The following LRRK1 variants were observed in gnomAD, a reference collection of about 807,000 sequenced individuals.
LRRK1 encodes leucine rich repeat kinase 1, also known as leucine-rich repeat serine/threonine-protein kinase 1.
A neutral mutation model predicts 209.1 loss-of-function variants in LRRK1; 113 were observed. That is an observed-to-expected ratio of 0.54 (90% CI 0.46 to 0.63). LRRK1 has a LOEUF of 0.63. Among genes scored for constraint, LRRK1 ranks in the 30% least tolerant of loss-of-function variants. The pLI, the probability that LRRK1 is intolerant of heterozygous loss-of-function variation, is 0.00. For synonymous variants in LRRK1, 1,144 were observed against 1,099.7 expected (o/e 1.04, Z -0.80); for missense variants, 2,284 against 2,632.2 (o/e 0.87, Z 2.89).
In LRRK1 at chr15:101,024,105, T is replaced by G. The variant is rs2033914240; in HGVS notation, c.2068-698T>G. Among the ~76,000 whole-genome samples the G allele has an allele frequency of 6.6e-6, 1 of 152,134 alleles. No individual in the cohort carries two copies. The highest frequency in any genetic ancestry group is 1.5e-5 in the Non-Finnish European group (1 of 68,016). On this transcript the variant is annotated intron_variant, in intron 15 of 33. Transcript: ENST00000388948. The surrounding 1 kb of genome is among the most constrained non-coding windows in gnomAD (Gnocchi z 4.6). Reference sequence around the variant, plus strand: ...AGTGGAAGGACAATCCTGTGAAGGCTGAGCCCGCCGCTCTCTCTGTGGCCG... The same window carrying G: ...AGTGGAAGGACAATCCTGTGAAGGCGGAGCCCGCCGCTCTCTCTGTGGCCG...
rs879779041 is a variant in LRRK1 at position 100,968,707 on chromosome 15, CTTCCTTCCTTCCTCCCT to C, written c.98-5095_98-5079del. Among the ~76,000 whole-genome samples the C allele has an allele frequency of 3.0e-3, 197 of 64,898 alleles. 4 individuals are homozygous for C. Among genetic ancestry groups the C allele is most frequent in the Middle Eastern group, 8.6e-3 (1 of 116 alleles). The allele number at this position is 64,898 out of a possible 152,430, so 42.6% of individuals were successfully genotyped here. A position where few individuals can be genotyped will look rare whatever the true frequency, so the allele number is the denominator to read the frequency against. On this transcript the variant is annotated intron_variant, in intron 2 of 33. Transcript: ENST00000388948. ...CTTTCTTTCTTTCCTTCCTTCCTTC[CTTCCTTCCTTCCTCCCT>C]TCCCTTCCCTTCCCTTTTCCTTTCT...
rs184197013 is a variant in LRRK1, at chr15:100,985,017, A to G, written c.433+1318A>G. On this transcript the variant is annotated intron_variant, in intron 4 of 33. Coordinates refer to ENST00000388948, the MANE Select transcript of LRRK1 (RefSeq NM_024652.6). ...AATGTTTCATGATTTTTAAACAAGAAGCCCCATTCTTTTCATTTTGCATTG... is the reference window on the plus strand; with the variant it reads ...AATGTTTCATGATTTTTAAACAAGAGGCCCCATTCTTTTCATTTTGCATTG... Among the ~76,000 whole-genome samples, 1,200 of 152,330 alleles carry G rather than the reference A, an allele frequency of 7.9e-3. 17 individuals are homozygous for G. Among genetic ancestry groups the G allele is most frequent in the African/African-American group, 0.028 (1,154 of 41,566 alleles).
Position 101,046,074 on chromosome 15 carries a change from G to A in LRRK1, c.3057G>A (p.Lys1019=). The A allele has an allele frequency of 6.2e-7, 1 of 1,614,246 alleles. No individual in the cohort carries two copies. The part of the protein sequence containing the change: ...PTANTIQRVF[K]MSFVPVGFWQ... ...CCAACACCATTCAGAGGGTATTTAA[G>A]ATGAGCTTCGTTCCCGTTGGCTTCT... Residue 1019 remains lysine (K), a synonymous_variant, in exon 21 of 34, where the codon AAG becomes AAA. Transcript: ENST00000388948.
chr15:100,974,081 T>G lies in LRRK1; in HGVS notation c.261+114T>G, dbSNP rs1186604773. Reference sequence around the variant, plus strand: ...ACGGTAATGGGCGTTTTTACTGTGTTCTGGAAACGCCTCGCTTTGCGTATA... The same window carrying G: ...ACGGTAATGGGCGTTTTTACTGTGTGCTGGAAACGCCTCGCTTTGCGTATA... On this transcript the variant is annotated intron_variant, in intron 3 of 33. Transcript: ENST00000388948. 5 of 897,996 alleles carry G rather than the reference T, an allele frequency of 5.6e-6. No homozygotes were observed. The African/African-American group carries it at 8.6e-5, about 15-fold the overall frequency. 55.6% of individuals were successfully genotyped at this position (897,996 alleles called of 1,614,324 possible).
At chr15:100,965,831 A>G (rs1478208691) in intron 2 of LRRK1, among the ~76,000 whole-genome samples, 1 of 152,220 alleles carries the variant, frequency 6.6e-6, no homozygotes, top group Non-Finnish European at 1.5e-5. Flanking sequence ...TTTCATCACC[A>G]TATATGAAAA....
chr15:101,054,577 C>T (rs951412253), intron 26 of LRRK1, among the ~76,000 whole-genome samples: 5 of 152,164 alleles, frequency 3.3e-5, no homozygotes, highest in African/African-American at 4.8e-5. Context: ...GAGGCCCAGG[C>T]GGGCAGGTCG....
In LRRK1 at chr15:100,940,085, C is replaced by T. The variant is rs184853496; in HGVS notation, c.97+15356C>T. ...TTGTCCATATCCTGCCCCGGATGCA[C>T]GATGCACTGTTTCTCCAAGAATCCC... is the stretch of plus-strand genomic sequence containing the variant. On this transcript the variant is annotated intron_variant, in intron 2 of 33. Transcript: ENST00000388948. Among the ~76,000 whole-genome samples, 212 of 152,292 alleles carry T rather than the reference C, an allele frequency of 1.4e-3. 1 individual carries two copies. Among genetic ancestry groups the T allele is most frequent in the Middle Eastern group, 0.01 (3 of 294 alleles).
rs75408271 is a variant in LRRK1, at chr15:100,932,970, G to A, written c.97+8241G>A. Among the ~76,000 whole-genome samples the A allele has an allele frequency of 4.5e-3, 691 of 152,282 alleles. 2 individuals carry two copies. Among genetic ancestry groups the A allele is most frequent in the African/African-American group, 0.016 (659 of 41,552 alleles). ...ACCCAGTGTTCTGTGGAGCCCTGGA[G>A]ATGAGAATCACCCCCTTCCCTGCTA... On this transcript the variant is annotated intron_variant, in intron 2 of 33. Coordinates refer to ENST00000388948, the MANE Select transcript of LRRK1 (RefSeq NM_024652.6).
chr15:101,010,820 C>A lies in LRRK1; in HGVS notation c.1264C>A (p.Pro422Thr). Residue 422 changes from proline (P) to threonine (T), a missense_variant, in exon 9 of 34, where the codon CCC (proline) becomes ACC (threonine). By Grantham distance (38) the Pro-to-Thr change is conservative. This residue lies in a region of LRRK1 where 494 missense variants were observed against 522.1 expected (regional missense o/e 0.95). Transcript: ENST00000388948. ...SRNNLKVFPD[P>T]WACPLKCCKA... Reference sequence around the variant, plus strand: ...AAACAACCTGAAGGTGTTTCCAGATCCCTGGGCCTGCCCTTTGGTGAGTAT... The same window carrying A: ...AAACAACCTGAAGGTGTTTCCAGATACCTGGGCCTGCCCTTTGGTGAGTAT... The A allele has an allele frequency of 6.2e-7, 1 of 1,612,830 alleles. No individual in the cohort carries two copies. Among genetic ancestry groups the A allele is most frequent in the Non-Finnish European group, 8.5e-7 (1 of 1,179,692 alleles).
chr15:101,048,336 G>A (rs976567717), intron 21 of LRRK1, among the ~76,000 whole-genome samples, 158 bp from the exon 22 acceptor site: 5 of 152,182 alleles, frequency 3.3e-5, no homozygotes, highest in South Asian at 2.1e-4. Flanking sequence ...CTAATGTAAC[G>A]TTCAATTTGG....
chr15:101,040,128 A>G (rs2034677546), intron 20 of LRRK1, among the ~76,000 whole-genome samples: 1 of 152,264 alleles, frequency 6.6e-6, no homozygotes, highest in Admixed American at 6.5e-5. Context: ...AAGATTTTGT[A>G]TAAGATTGGT....
intron 29 of LRRK1, among the ~76,000 whole-genome samples, chr15:101,060,245 C>T (rs756593199): frequency 2.6e-5 from 4 of 152,140 alleles, no homozygotes; most frequent in South Asian, 4.1e-4. Context: ...GCAGGGCAGA[C>T]GAGCAGGTAA....
chr15:100,949,588 C>T (rs891143771), intron 2 of LRRK1, among the ~76,000 whole-genome samples: 1 of 152,068 alleles, frequency 6.6e-6, no homozygotes, highest in Non-Finnish European at 1.5e-5. Context: ...AACTACAGAC[C>T]ACTACCTCTT....
intron 2 of LRRK1, among the ~76,000 whole-genome samples, chr15:100,967,372 G>A (rs1452272196): frequency 6.6e-6 from 1 of 152,188 alleles, no homozygotes; most frequent in East Asian, 1.9e-4. Flanking sequence ...TCTCAGGAAT[G>A]ATACAGATTG....
chr15:101,052,972 T>C lies in LRRK1; in HGVS notation c.3740T>C (p.Val1247Ala), dbSNP rs2035558359. 6.2e-7 allele frequency: 1 copy of C among 1,612,666 alleles called. No homozygotes were observed. The highest frequency in any genetic ancestry group is 8.5e-7 in the Non-Finnish European group (1 of 1,179,356). ...KLEHSEDEGS[V>A]LGQGGSGTVI... ...GAGCACAGCGAGGACGAGGGCAGCG[T>C]CCTGGGCCAGGGCGGCAGTGGCACC... is the stretch of plus-strand genomic sequence containing the variant. Residue 1247 changes from valine to alanine, a missense_variant, in exon 25 of 34, where the codon GTC becomes GCC. By Grantham distance (64) the Val-to-Ala change is moderately conservative. This residue lies in a region of LRRK1 where 780 missense variants were observed against 985.2 expected (regional missense o/e 0.79). Transcript: ENST00000388948.
intron 3 of LRRK1, among the ~76,000 whole-genome samples, chr15:100,979,631 G>A (rs1359092414): frequency 1.3e-5 from 2 of 152,092 alleles, no homozygotes; most frequent in African/African-American, 4.8e-5. Context: ...CTAAGACAGT[G>A]ATTCTAAAAA....
At position 101,012,434 on chromosome 15, in the gene LRRK1, G is replaced by A. The variant is rs143585482; in HGVS notation, c.1419+289G>A. On this transcript the variant is annotated intron_variant, in intron 10 of 33. Coordinates refer to ENST00000388948, the MANE Select transcript of LRRK1 (RefSeq NM_024652.6). ...ATATGAGGCTGAGTGGACACTGAGA[G>A]CTCCAGGAAGGGCCTTTCCACGGAA... Among the ~76,000 whole-genome samples, 315 of 152,340 alleles carry A rather than the reference G, an allele frequency of 2.1e-3. 3 individuals are homozygous for A. Among genetic ancestry groups the A allele is most frequent in the Admixed American group, 3.6e-3 (55 of 15,304 alleles).
chr15:100,946,342 G>T (rs984284291), intron 2 of LRRK1, among the ~76,000 whole-genome samples: 10 of 151,722 alleles, frequency 6.6e-5, no homozygotes, highest in Non-Finnish European at 1.5e-4. Flanking sequence ...TAGTTGCAGC[G>T]TATGCTAAAA....
At chr15:101,060,983 C>T (rs1232969294) in intron 29 of LRRK1, among the ~76,000 whole-genome samples, 188 bp from the exon 30 acceptor site, 1 of 152,254 alleles carries the variant, frequency 6.6e-6, no homozygotes, top group African/African-American at 2.4e-5. Context: ...GGCGAATGCC[C>T]TTCCTGCGGG....
Sources: allele counts gnomAD v4.1 joint callset (sites outside exome capture counted in the v4.1 genomes callset), GRCh38; gene constraint gnomAD v4.1.1; regional missense constraint gnomAD v4.1.1; non-coding constraint Gnocchi (gnomAD v3.1); transcripts MANE v1.5; gene names NCBI Gene and HGNC (gene_info 2026-07-23, HGNC 2026-07-21).